MAGI1: variants seen among roughly 807,000 people sequenced by gnomAD.
MAGI1 encodes the protein membrane-associated guanylate kinase, WW and PDZ domain-containing protein 1.
Under a neutral mutation model 139.9 loss-of-function variants are expected in MAGI1, and 58 were observed. That is an observed-to-expected ratio of 0.41 (90% CI 0.34 to 0.52). The LOEUF is 0.52. Ranked by LOEUF, MAGI1 falls within the 20% of genes least tolerant of loss-of-function variation. MAGI1 has a pLI of 0.12. For synonymous variants in MAGI1, 812 were observed against 737.9 expected (o/e 1.10, Z -1.63); for missense variants, 1,874 against 1,901.6 (o/e 0.99, Z 0.27).
chr3:65,404,501 A>G lies in MAGI1; in HGVS notation c.2168-3031T>C, dbSNP rs1945175385. ...AAAGCCACACCTTTTACAGCAGCCC[A>G]AAAGCAGGTTACGACCACAAATTAA... On this transcript the variant is annotated intron_variant, in intron 12 of 22. Coordinates refer to ENST00000402939, the MANE Select transcript of MAGI1 (RefSeq NM_001033057.2). Among the ~76,000 whole-genome samples the G allele has an allele frequency of 4.6e-5, 7 of 152,210 alleles. No homozygotes were observed. The South Asian group carries it at 1.4e-3, about 32-fold the overall frequency.
At chr3:65,898,072 T>C (rs894063012) in intron 1 of MAGI1, among the ~76,000 whole-genome samples, 2 of 152,220 alleles carry the variant, frequency 1.3e-5, no homozygotes, top group African/African-American at 2.4e-5. Flanking sequence ...TTTCTCTCTG[T>C]AGGACACTTA....
chr3:65,786,489 G>A (rs1014460791), intron 1 of MAGI1, among the ~76,000 whole-genome samples: 7 of 151,648 alleles, frequency 4.6e-5, no homozygotes, highest in Non-Finnish European at 1.0e-4. Context: ...TGTATTTTTT[G>A]TAGAGACAGG....
At chr3:65,648,325 G>A (rs981478788) in intron 1 of MAGI1, among the ~76,000 whole-genome samples, 31 of 152,020 alleles carry the variant, frequency 2.0e-4, no homozygotes, top group African/African-American at 3.6e-4. Context: ...GTGCGCGTGC[G>A]CGTGCACACA....
chr3:65,445,909 T>C (rs1948647591), intron 7 of MAGI1, among the ~76,000 whole-genome samples: 2 of 152,204 alleles, frequency 1.3e-5, no homozygotes, highest in African/African-American at 2.4e-5. Context: ...ACAGTTGCTA[T>C]TGTTTGAAAT....
In MAGI1 at chr3:66,038,190, T is replaced by G. The variant is rs2069048917; in HGVS notation, c.119A>C (p.Glu40Ala). ...CGCCACCGCTCCGACGTACGGAAACTCCCCGTGCTCCGCGCCTCCCAGCAC... is the reference window on the plus strand; with the variant it reads ...CGCCACCGCTCCGACGTACGGAAACGCCCCGTGCTCCGCGCCTCCCAGCAC... Reference protein sequence around the residue: ...VTVLGGAEHGEFPYVGAVAAV... With the variant: ...VTVLGGAEHGAFPYVGAVAAV... The change falls in exon 1 of 23, where the codon GAG becomes GCG. Residue 40 changes from glutamate to alanine, a missense_variant. Transcript: ENST00000402939. 1 of 1,611,980 alleles carries G rather than the reference T, an allele frequency of 6.2e-7. No individual in the cohort carries two copies. The highest frequency in any genetic ancestry group is 2.2e-5 in the East Asian group (1 of 44,804).
rs71102867 is a variant in MAGI1, at chr3:65,516,718, CTTTTTTT to C, written c.431-23094_431-23088del. 6.4e-4 allele frequency among the ~76,000 whole-genome samples: 43 copies of C among 66,996 alleles called. No individual in the cohort carries two copies. In the East Asian group the frequency reaches 0.018, roughly 28 times the overall value. The allele number at this position is 66,996 out of a possible 152,430, so 44.0% of individuals were successfully genotyped here. A position where few individuals can be genotyped will look rare whatever the true frequency, so the allele number is the denominator to read the frequency against. ...GGAAGAAACATAGTACATCCCACCTCTTTTTTTTTTTTTTTTTTTTTTTTTTTGAGAC... is the reference window on the plus strand; with the variant it reads ...GGAAGAAACATAGTACATCCCACCTCTTTTTTTTTTTTTTTTTTTTGAGAC... On this transcript the variant is annotated intron_variant, in intron 2 of 22. Coordinates refer to ENST00000402939, the MANE Select transcript of MAGI1 (RefSeq NM_001033057.2).
chr3:65,366,142 C>T (rs1340543436), intron 18 of MAGI1, among the ~76,000 whole-genome samples: 1 of 152,098 alleles, frequency 6.6e-6, no homozygotes, highest in Non-Finnish European at 1.5e-5. Flanking sequence ...GACAATAATT[C>T]CCCTCTCATG....
intron 2 of MAGI1, among the ~76,000 whole-genome samples, chr3:65,592,534 G>A (rs1178159974): frequency 1.3e-5 from 2 of 152,136 alleles, no homozygotes; most frequent in East Asian, 3.9e-4. Context: ...ATATTAAGAT[G>A]TCAATTTCAG....
intron 12 of MAGI1, among the ~76,000 whole-genome samples, chr3:65,421,263 A>G (rs1174823789): frequency 1.3e-5 from 2 of 152,244 alleles, no homozygotes; most frequent in African/African-American, 2.4e-5. Flanking sequence ...TAAAGGCCAG[A>G]AGGCTCCTTT....
chr3:65,743,915 C>G (rs933686971), intron 1 of MAGI1, among the ~76,000 whole-genome samples: 1 of 151,450 alleles, frequency 6.6e-6, no homozygotes, highest in East Asian at 1.9e-4. Context: ...TATATACTCA[C>G]CAAGACACCA....
chr3:65,930,489 T>C (rs2062759051), intron 1 of MAGI1, among the ~76,000 whole-genome samples: 1 of 152,102 alleles, frequency 6.6e-6, no homozygotes, highest in Non-Finnish European at 1.5e-5. Context: ...TCCAGCACTT[T>C]GGGAGGCAGA....
intron 1 of MAGI1, among the ~76,000 whole-genome samples, chr3:65,762,469 G>C (rs946285027): frequency 9.9e-5 from 15 of 151,724 alleles, no homozygotes; most frequent in African/African-American, 3.6e-4. Context: ...AAAAAAAACA[G>C]GAAGAAAAAA....
At chr3:66,012,905 C>T (rs2067405035) in intron 1 of MAGI1, among the ~76,000 whole-genome samples, 1 of 152,184 alleles carries the variant, frequency 6.6e-6, no homozygotes, top group South Asian at 2.1e-4. Context: ...TCCCACCCAT[C>T]CCCATTTCCT....
chr3:65,907,287 T>G (rs139705980), intron 1 of MAGI1, among the ~76,000 whole-genome samples: 2 of 152,204 alleles, frequency 1.3e-5, no homozygotes, highest in South Asian at 4.1e-4. Flanking sequence ...CCATGGATCC[T>G]TGAGATAACT....
intron 1 of MAGI1, among the ~76,000 whole-genome samples, chr3:65,894,625 T>C (rs1019706053): frequency 2.0e-5 from 3 of 152,192 alleles, no homozygotes; most frequent in Non-Finnish European, 4.4e-5. Flanking sequence ...ACCAAGAGTA[T>C]TCAGTAAGGA....
At chr3:65,865,421 C>T (rs544760583) in intron 1 of MAGI1, among the ~76,000 whole-genome samples, 1 of 152,194 alleles carries the variant, frequency 6.6e-6, no homozygotes, top group South Asian at 2.1e-4. Context: ...CATGGTGAGA[C>T]ATCATCTCTA....
chr3:65,533,678 C>CTA (rs748619785), intron 2 of MAGI1, among the ~76,000 whole-genome samples: 2 of 152,182 alleles, frequency 1.3e-5, no homozygotes, highest in African/African-American at 4.8e-5. Context: ...ATGTAGAAAG[C>CTA]TATATACAGA....
chr3:65,357,774 C>T (rs773864589), intron 22 of MAGI1, among the ~76,000 whole-genome samples: 3 of 151,970 alleles, frequency 2.0e-5, no homozygotes, highest in Non-Finnish European at 4.4e-5. Flanking sequence ...AAAAAAAATC[C>T]AGGGTAGCAG....
chr3:65,439,422 G>A (rs1444974337), intron 9 of MAGI1, among the ~76,000 whole-genome samples: 1 of 152,158 alleles, frequency 6.6e-6, no homozygotes, highest in Non-Finnish European at 1.5e-5. Flanking sequence ...TTTTTACAAA[G>A]AGCATGAATT....
Sources: allele counts gnomAD v4.1 joint callset (sites outside exome capture counted in the v4.1 genomes callset), GRCh38; gene constraint gnomAD v4.1.1; transcripts MANE v1.5; gene names NCBI Gene and HGNC (gene_info 2026-07-23, HGNC 2026-07-21).